DNAJC10: variants seen among roughly 807,000 people sequenced by gnomAD.
The protein encoded by DNAJC10 is endoplasmic reticulum disulfide reductase DNAJC10.
A neutral mutation model predicts 115.0 loss-of-function variants in DNAJC10; 101 were observed. That is an observed-to-expected ratio of 0.88 (90% CI 0.75 to 1.04). DNAJC10 has a LOEUF of 1.04. Ranked by LOEUF, DNAJC10 falls within the 50% of genes least tolerant of loss-of-function variation. The probability of loss-of-function intolerance (pLI) is 0.00; values close to 1 mark genes in which losing one functional copy is unlikely to be tolerated. For missense variants in DNAJC10, 981 were observed against 928.8 expected, an observed-to-expected ratio of 1.06 and a Z score of -0.73; for synonymous variants, 307 against 301.5, an observed-to-expected ratio of 1.02 and a Z score of -0.19.
In DNAJC10 at chr2:182,783,226, GTGT is replaced by G. The variant is rs1694886839; in HGVS notation, c.*6097_*6099del. On this transcript the variant is annotated 3_prime_UTR_variant, in exon 24 of 24. Coordinates refer to ENST00000264065, the MANE Select transcript of DNAJC10 (RefSeq NM_018981.4). ...AAGTAAAATGTCTTTAAAAGAATAA[GTGT>G]TGATTTTTGGAAAATATGAAATTGG... The G allele has an allele frequency of 6.6e-6, 1 of 152,148 alleles. No individual in the cohort carries two copies. The highest frequency in any genetic ancestry group is 2.4e-5 in the African/African-American group (1 of 41,434). 9.4% of individuals were successfully genotyped at this position (152,148 alleles called of 1,614,324 possible).
At chr2:182,767,740 G>C (rs191234978) in intron 22 of DNAJC10, among the ~76,000 whole-genome samples, 7 of 152,246 alleles carry the variant, frequency 4.6e-5, no homozygotes, top group Non-Finnish European at 8.8e-5. Flanking sequence ...TTTATTGAAA[G>C]AGCTTGTTAA....
At chr2:182,729,170 A>T (rs542732052) in intron 7 of DNAJC10, 176 bp downstream of exon 7, 10 of 610,854 alleles carry the variant, frequency 1.6e-5, no homozygotes, top group Admixed American at 1.6e-4. Context: ...TTTTTTTGAG[A>T]TGGAGTCTCA....
At chr2:182,736,448 C>T in intron 11 of DNAJC10, 62 bp downstream of exon 11, 5 of 1,210,602 alleles carry the variant, frequency 4.1e-6, no homozygotes, top group Non-Finnish European at 5.5e-6. Context: ...AAAAATAATA[C>T]ATTATTTTTG....
chr2:182,731,166 A>G (rs1314913150), intron 9 of DNAJC10, 59 bp downstream of exon 9: 4 of 1,256,648 alleles, frequency 3.2e-6, no homozygotes, highest in Non-Finnish European at 4.6e-6. Flanking sequence ...TTTTGGTGAC[A>G]GTTTTAAGTA....
chr2:182,741,148 A>G, intron 12 of DNAJC10, 95 bp from the exon 13 acceptor site: 2 of 742,106 alleles, frequency 2.7e-6, no homozygotes, highest in Non-Finnish European at 4.5e-6. Flanking sequence ...AATAATGGGT[A>G]GGGGAGCTAA....
chr2:182,773,767 G>A (rs1694631023), intron 22 of DNAJC10, among the ~76,000 whole-genome samples: 1 of 152,100 alleles, frequency 6.6e-6, no homozygotes, highest in Admixed American at 6.5e-5. Context: ...CTTGCAATGG[G>A]TTCAAACATC....
At chr2:182,734,578 C>G (rs1367283412) in intron 10 of DNAJC10, among the ~76,000 whole-genome samples, 1 of 151,564 alleles carries the variant, frequency 6.6e-6, no homozygotes, top group Non-Finnish European at 1.5e-5. Flanking sequence ...TCAGTTGGGT[C>G]CAATTTGTTA....
chr2:182,762,657 G>A (rs763715875), intron 21 of DNAJC10, 25 bp from the exon 22 acceptor site: 7 of 1,609,442 alleles, frequency 4.3e-6, no homozygotes, highest in Middle Eastern at 1.7e-4. Context: ...AACAGAAAAT[G>A]GCAAACTGTA....
Position 182,780,576 on chromosome 2 carries a change from A to G in DNAJC10, c.*3444A>G, listed in dbSNP as rs1056884807. 1 of 152,186 alleles carries G rather than the reference A, an allele frequency of 6.6e-6. No homozygotes were observed. Among genetic ancestry groups the G allele is most frequent in the Non-Finnish European group, 1.5e-5 (1 of 68,042 alleles). The allele number at this position is 152,186 out of a possible 1,614,324, so 9.4% of individuals were successfully genotyped here. ...CTTCATTGCAATGCAAAACAGACTAATACAGTTTCTTTTCAGTAAGAATTA... is the reference window on the plus strand; with the variant it reads ...CTTCATTGCAATGCAAAACAGACTAGTACAGTTTCTTTTCAGTAAGAATTA... On this transcript the variant is annotated 3_prime_UTR_variant, in exon 24 of 24. Transcript: ENST00000264065.
chr2:182,759,269 T>TG lies in DNAJC10; in HGVS notation c.2108dup (p.Cys703TrpfsTer9), dbSNP rs1234185267. The TG allele has an allele frequency of 6.2e-7, 1 of 1,610,458 alleles. No individual in the cohort carries two copies. Among genetic ancestry groups the TG allele is most frequent in the Admixed American group, 1.7e-5 (1 of 58,938 alleles). On this transcript the variant is annotated frameshift_variant, in exon 21 of 24. Coordinates refer to ENST00000264065, the MANE Select transcript of DNAJC10 (RefSeq NM_018981.4). LOFTEE classifies it high-confidence loss of function. ...TTTCTATGCTCCTTGGTGTGGACCT[T>TG]GCCAGAATTTTGCTCCAGAATTTGA... is the stretch of plus-strand genomic sequence containing the variant.
intron 21 of DNAJC10, among the ~76,000 whole-genome samples, chr2:182,761,993 A>C (rs1239103878): frequency 6.6e-6 from 1 of 152,122 alleles, no homozygotes; most frequent in Non-Finnish European, 1.5e-5. Flanking sequence ...TCAGCAGTAA[A>C]CATCAGTTGC....
chr2:182,741,097 A>T, intron 12 of DNAJC10, 146 bp from the exon 13 acceptor site: 1 of 587,322 alleles, frequency 1.7e-6, no homozygotes. Context: ...AAACTACAAA[A>T]TAAGAGAATG....
At chr2:182,733,379 A>G (rs1693500051) in intron 10 of DNAJC10, among the ~76,000 whole-genome samples, 1 of 151,886 alleles carries the variant, frequency 6.6e-6, no homozygotes, top group South Asian at 2.1e-4. Context: ...CCCTATGCCT[A>G]GGCCTTTAGT....
At chr2:182,719,545 C>T (rs1444889374) in intron 3 of DNAJC10, among the ~76,000 whole-genome samples, 1 of 151,854 alleles carries the variant, frequency 6.6e-6, no homozygotes, top group Admixed American at 6.6e-5. Flanking sequence ...GGGGTGTTTT[C>T]TGATACTGGC....
intron 12 of DNAJC10, among the ~76,000 whole-genome samples, 192 bp from the exon 13 acceptor site, chr2:182,741,051 T>C (rs1693721413): frequency 6.6e-6 from 1 of 152,172 alleles, no homozygotes; most frequent in Non-Finnish European, 1.5e-5. Context: ...AACCCTCCTG[T>C]AATATTTGTT....
Position 182,790,946 on chromosome 2 carries a change from T to G in DNAJC10, c.*13814T>G, listed in dbSNP as rs1695038938. 1 of 152,166 alleles carries G rather than the reference T, an allele frequency of 6.6e-6. No individual in the cohort carries two copies. Among genetic ancestry groups the G allele is most frequent in the Non-Finnish European group, 1.5e-5 (1 of 68,020 alleles). The allele number at this position is 152,166 out of a possible 1,614,324, so 9.4% of individuals were successfully genotyped here. ...TTTCTTCCAAGTAACCATATTCTCTTTTACCCTCCTGTTCAACTGTCTATG... is the reference window on the plus strand; with the variant it reads ...TTTCTTCCAAGTAACCATATTCTCTGTTACCCTCCTGTTCAACTGTCTATG... On this transcript the variant is annotated 3_prime_UTR_variant, in exon 24 of 24. Coordinates refer to ENST00000264065, the MANE Select transcript of DNAJC10 (RefSeq NM_018981.4).
At chr2:182,718,346 A>G (rs1308795568) in intron 3 of DNAJC10, 56 bp downstream of exon 3, 11 of 1,338,376 alleles carry the variant, frequency 8.2e-6, no homozygotes, top group African/African-American at 3.0e-5. Context: ...ACATTTTGAT[A>G]TTTATTTAAA....
chr2:182,747,260 C>A (rs950428153), intron 14 of DNAJC10, among the ~76,000 whole-genome samples: 2 of 151,848 alleles, frequency 1.3e-5, no homozygotes, highest in African/African-American at 4.8e-5. Context: ...TTTTCCAATT[C>A]TGTGAAGAAA....
In DNAJC10 at chr2:182,779,210, T is replaced by TTATC. The variant is rs1694784798; in HGVS notation, c.*2080_*2083dup. The TTATC allele has an allele frequency of 6.6e-6, 1 of 152,304 alleles. No homozygotes were observed. Among genetic ancestry groups the TTATC allele is most frequent in the South Asian group, 2.1e-4 (1 of 4,822 alleles). 9.4% of individuals were successfully genotyped at this position (152,304 alleles called of 1,614,324 possible). ...TATCATAAAGTGACATACATCAAGG[T>TTATC]TATCTTATATAGTCATAACAGTATT... On this transcript the variant is annotated 3_prime_UTR_variant, in exon 24 of 24. Transcript: ENST00000264065.
Sources: gnomAD v4.1 joint callset for allele counts (sites outside exome capture counted in the v4.1 genomes callset) on GRCh38, gnomAD v4.1.1 for gene constraint, MANE v1.5 for transcripts, NCBI Gene and HGNC (gene_info 2026-07-23, HGNC 2026-07-21) for gene names.